ZBTB20: variants seen among roughly 807,000 people sequenced by gnomAD.
The protein encoded by ZBTB20 is zinc finger and BTB domain-containing protein 20.
A neutral mutation model predicts 56.9 loss-of-function variants in ZBTB20; 9 were observed. That is an observed-to-expected ratio of 0.16 (90% CI 0.10 to 0.28). The LOEUF is 0.28. Ranked by LOEUF, ZBTB20 falls within the 10% of genes least tolerant of loss-of-function variation. The pLI is 1.00. For missense variants in ZBTB20, 655 were observed against 1,003.0 expected, an observed-to-expected ratio of 0.65 and a Z score of 4.69; for synonymous variants, 417 against 420.7, an observed-to-expected ratio of 0.99 and a Z score of 0.11.
chr3:114,812,946 G>A (rs2072657591), intron 4 of ZBTB20, among the ~76,000 whole-genome samples: 4 of 149,086 alleles, frequency 2.7e-5, no homozygotes, highest in Admixed American at 1.3e-4. Flanking sequence ...CGGCCGCTCC[G>A]AGTGCGGGGT....
intron 4 of ZBTB20, among the ~76,000 whole-genome samples, chr3:114,835,665 G>C (rs965597851): frequency 1.2e-4 from 19 of 152,224 alleles, no homozygotes; most frequent in African/African-American, 4.6e-4. Context: ...TCATATTTTA[G>C]TATTTGAGAA....
intron 7 of ZBTB20, among the ~76,000 whole-genome samples, chr3:114,458,127 C>T (rs974470046): frequency 7.2e-5 from 11 of 152,084 alleles, no homozygotes; most frequent in African/African-American, 2.7e-4. Context: ...ACCATGACCA[C>T]CCAGGGCATT....
intron 5 of ZBTB20, among the ~76,000 whole-genome samples, chr3:114,726,699 T>G (rs1380074194): frequency 6.6e-6 from 1 of 151,722 alleles, no homozygotes; most frequent in Non-Finnish European, 1.5e-5. Context: ...GATCACGAGG[T>G]CAGGAAATCA....
intron 2 of ZBTB20, among the ~76,000 whole-genome samples, chr3:115,035,749 T>C (rs2080888621): frequency 6.6e-6 from 1 of 152,188 alleles, no homozygotes; most frequent in African/African-American, 2.4e-5. Context: ...GAAGAGATAT[T>C]TGTTAATATG....
At chr3:114,460,128 C>T (rs778820371) in intron 7 of ZBTB20, among the ~76,000 whole-genome samples, 69 of 152,130 alleles carry the variant, frequency 4.5e-4, no homozygotes, top group Non-Finnish European at 8.7e-4. Flanking sequence ...TCTTCTCACT[C>T]ATACTTTGAA....
chr3:115,039,256 T>A (rs2081049088), intron 2 of ZBTB20, among the ~76,000 whole-genome samples: 1 of 152,044 alleles, frequency 6.6e-6, no homozygotes, highest in Admixed American at 6.5e-5. Context: ...GGTGAAAGAC[T>A]AGAATCATAA....
At chr3:114,860,723 A>G in intron 4 of ZBTB20, among the ~76,000 whole-genome samples, 1 of 152,194 alleles carries the variant, frequency 6.6e-6, no homozygotes. Context: ...CATCCTGGAG[A>G]TCTTACTGGT....
chr3:114,982,001 C>A (rs564128326), intron 2 of ZBTB20, among the ~76,000 whole-genome samples: 39 of 152,130 alleles, frequency 2.6e-4, no homozygotes, highest in Non-Finnish European at 1.2e-4. Context: ...ACTGGCCCCA[C>A]CTTTGTGCAG....
intron 5 of ZBTB20, among the ~76,000 whole-genome samples, chr3:114,739,915 T>A (rs2066454450): frequency 2.0e-5 from 3 of 152,234 alleles, no homozygotes; most frequent in African/African-American, 7.2e-5. Context: ...ATATTTTACC[T>A]ATGCTTATGT....
chr3:114,902,190 T>A (rs2075146679), intron 3 of ZBTB20, among the ~76,000 whole-genome samples: 1 of 152,192 alleles, frequency 6.6e-6, no homozygotes. Context: ...CATTTTTAAA[T>A]CATCTTAGTA....
intron 5 of ZBTB20, among the ~76,000 whole-genome samples, chr3:114,752,213 T>C (rs2067615706): frequency 6.7e-6 from 1 of 150,354 alleles, no homozygotes; most frequent in Non-Finnish European, 1.5e-5. Flanking sequence ...AGAAAAGAGG[T>C]ACAAGTCAGG....
chr3:115,017,817 T>C (rs1222262947), intron 2 of ZBTB20, among the ~76,000 whole-genome samples: 1 of 151,534 alleles, frequency 6.6e-6, no homozygotes, highest in Non-Finnish European at 1.5e-5. Context: ...CTCATGGATC[T>C]TACAGTCTAA....
rs114537554 is a variant in ZBTB20 at position 115,031,512 on chromosome 3, C to G, written c.-507+39707G>C. The stretch of plus-strand genomic sequence containing the variant: ...ATATAATTCAAAGTTTTCCAAGGAG[C>G]TATTTGACCTCCTATAGACTGAAAA... On this transcript the variant is annotated intron_variant, in intron 2 of 11. Transcript: ENST00000675478. 2.4e-3 allele frequency among the ~76,000 whole-genome samples: 358 copies of G among 151,498 alleles called. 2 individuals are homozygous for G. Among genetic ancestry groups the G allele is most frequent in the African/African-American group, 8.5e-3 (352 of 41,460 alleles).
intron 7 of ZBTB20, among the ~76,000 whole-genome samples, chr3:114,489,835 A>C (rs1203941922): frequency 1.3e-5 from 2 of 152,248 alleles, no homozygotes; most frequent in Admixed American, 1.3e-4. Flanking sequence ...CCTAAAGGGA[A>C]TATCACAGAA....
chr3:114,870,686 G>T (rs74641920), intron 4 of ZBTB20, among the ~76,000 whole-genome samples: 3,557 of 151,810 alleles, frequency 0.023, 50 homozygotes, highest in South Asian at 0.051. Context: ...ATATTAAAAA[G>T]TCAAATTTCA....
intron 7 of ZBTB20, among the ~76,000 whole-genome samples, chr3:114,424,508 G>A (rs1018204570): frequency 3.3e-5 from 5 of 152,212 alleles, no homozygotes; most frequent in African/African-American, 1.2e-4. Flanking sequence ...AGAAATAGAA[G>A]TGCTGACGTT....
At chr3:115,039,113 C>A (rs2108381572) in intron 2 of ZBTB20, among the ~76,000 whole-genome samples, 1 of 151,986 alleles carries the variant, frequency 6.6e-6, no homozygotes, top group South Asian at 2.1e-4. Context: ...TTAAACTGAC[C>A]TGACAGAATA....
At chr3:114,365,603 AAGG>A (rs1475735284) in intron 10 of ZBTB20, among the ~76,000 whole-genome samples, 1 of 152,146 alleles carries the variant, frequency 6.6e-6, no homozygotes, top group Admixed American at 6.5e-5. Flanking sequence ...AAGATGAAAC[AAGG>A]AGGAGGATGT....
chr3:114,403,317 A>C (rs1230627013), intron 7 of ZBTB20, among the ~76,000 whole-genome samples: 1 of 152,140 alleles, frequency 6.6e-6, no homozygotes, highest in Non-Finnish European at 1.5e-5. Context: ...TAAAACACCA[A>C]GTACAGCTGG....
Sources: allele counts gnomAD v4.1 joint callset (sites outside exome capture counted in the v4.1 genomes callset), GRCh38; gene constraint gnomAD v4.1.1; transcripts MANE v1.5; gene names NCBI Gene and HGNC (gene_info 2026-07-23, HGNC 2026-07-21).